ANO1: variants seen among roughly 807,000 people sequenced by gnomAD.
ANO1 encodes the protein anoctamin-1.
ANO1 carries 59 observed loss-of-function variants against 124.0 expected under a neutral mutation model. The observed-to-expected ratio is 0.48, with a 90% confidence interval of 0.39 to 0.59. The LOEUF is 0.59. Ranked by LOEUF, ANO1 falls within the 20% of genes least tolerant of loss-of-function variation. The pLI is 0.00. For missense variants in ANO1, 1,059 were observed against 1,328.0 expected (o/e 0.80, Z 3.15); for synonymous variants, 529 against 532.0 (o/e 0.99, Z 0.08).
intron 10 of ANO1, among the ~76,000 whole-genome samples, chr11:70,130,887 G>A (rs1332976595): frequency 2.0e-5 from 3 of 152,160 alleles, no homozygotes; most frequent in South Asian, 2.1e-4. Context: ...TGGGATCCCC[G>A]TTTCTCCACC....
At chr11:70,172,389 A>C (rs1014359528) in intron 22 of ANO1, among the ~76,000 whole-genome samples, 18 of 152,208 alleles carry the variant, frequency 1.2e-4, no homozygotes, top group Non-Finnish European at 2.4e-4. Flanking sequence ...AATTACAAAA[A>C]TACATTGATT....
chr11:70,047,173 TA>T, intron 1 of ANO1, among the ~76,000 whole-genome samples: 1 of 151,732 alleles, frequency 6.6e-6, no homozygotes. Flanking sequence ...TTAATAATAA[TA>T]TATTGTGATT....
chr11:70,079,862 C>T (rs937685208), intron 1 of ANO1, among the ~76,000 whole-genome samples: 2 of 152,232 alleles, frequency 1.3e-5, no homozygotes, highest in African/African-American at 4.8e-5. Context: ...GCCTTGCACC[C>T]CTTGGGTCAC....
In ANO1 at chr11:70,172,127, A is replaced by AAAG. The variant is rs1555052118; in HGVS notation, c.2350+1090_2350+1091insGAA. Among the ~76,000 whole-genome samples the AAAG allele has an allele frequency of 6.0e-3, 878 of 145,240 alleles. 12 individuals are homozygous for AAAG. Among genetic ancestry groups the AAAG allele is most frequent in the African/African-American group, 0.021 (851 of 39,856 alleles). On this transcript the variant is annotated intron_variant, in intron 22 of 25. Coordinates refer to ENST00000355303, the MANE Select transcript of ANO1 (RefSeq NM_018043.7). ...AGAGAGAGAACCTGTCTTAAAAAAA[A>AAAG]AAAAAAAAAGAAAAGAAAAGAAAAG...
At chr11:70,185,835 A>T (rs970198994) in intron 25 of ANO1, 140 bp downstream of exon 25, 4 of 942,182 alleles carry the variant, frequency 4.2e-6, no homozygotes, top group Non-Finnish European at 6.3e-6. Flanking sequence ...TTGCTCTGGG[A>T]CACCCGAGGA....
chr11:70,154,737 G>A (rs570251823), intron 14 of ANO1, among the ~76,000 whole-genome samples: 118 of 152,154 alleles, frequency 7.8e-4, no homozygotes, highest in Admixed American at 1.8e-3. Flanking sequence ...CAAAGTGCTG[G>A]GATTACAGGT....
intron 1 of ANO1, chr11:70,085,755 G>A: frequency 7.1e-7 from 1 of 1,404,512 alleles, no homozygotes; most frequent in Non-Finnish European, 9.3e-7. Flanking sequence ...TCCACTCGAG[G>A]CCTTCCCTCC....
chr11:70,131,303 ATGTGTGTG>A (rs58686061), intron 10 of ANO1, among the ~76,000 whole-genome samples: 68 of 149,128 alleles, frequency 4.6e-4, no homozygotes, highest in African/African-American at 1.6e-3. Flanking sequence ...TCAAAAATCA[ATGTGTGTG>A]TGTGTGTGTG....
chr11:70,177,339 C>T (rs1206976549), intron 22 of ANO1, among the ~76,000 whole-genome samples: 2 of 152,246 alleles, frequency 1.3e-5, no homozygotes, highest in Non-Finnish European at 2.9e-5. Context: ...TCTTCATGGC[C>T]ACAGAGCAGT....
intron 10 of ANO1, among the ~76,000 whole-genome samples, chr11:70,127,414 C>T (rs2046566781): frequency 6.6e-6 from 1 of 152,132 alleles, no homozygotes; most frequent in Non-Finnish European, 1.5e-5. Flanking sequence ...AATGTAGATC[C>T]GATGTGCCTT....
rs575432015 is a variant in ANO1 at position 70,029,615 on chromosome 11, T to C, written c.58+43449T>C. 1.1e-4 allele frequency among the ~76,000 whole-genome samples: 16 copies of C among 152,340 alleles called. No individual in the cohort carries two copies. The South Asian group carries it at 3.3e-3, about 32-fold the overall frequency. On this transcript the variant is annotated intron_variant, in intron 1 of 27. Transcript: ENST00000531349. ...GCACAGGCCTCTGAGGGCGCCCAGG[T>C]GCTCTGGAGGGACAGTGTGTGTCCC...
chr11:70,047,494 G>A (rs528555888), intron 1 of ANO1, among the ~76,000 whole-genome samples: 3 of 152,052 alleles, frequency 2.0e-5, no homozygotes, highest in Non-Finnish European at 2.9e-5. Context: ...AGAAAAATTG[G>A]CTAAAGAACT....
intron 1 of ANO1, among the ~76,000 whole-genome samples, chr11:70,067,323 G>GTTT (rs71046572): frequency 7.9e-5 from 10 of 126,530 alleles, no homozygotes; most frequent in South Asian, 5.1e-4. Context: ...AATCGTGGGT[G>GTTT]TTTTTTTTTT....
At chr11:70,038,678 G>C (rs1383602000) in intron 1 of ANO1, among the ~76,000 whole-genome samples, 1 of 152,158 alleles carries the variant, frequency 6.6e-6, no homozygotes, top group Non-Finnish European at 1.5e-5. Flanking sequence ...GAGAGAGCCA[G>C]GACTTACCTG....
chr11:69,976,306 G>A, the ANO1 span, among the ~76,000 whole-genome samples: 4 of 152,062 alleles, frequency 2.6e-5, no homozygotes, highest in Non-Finnish European at 2.9e-5. Flanking sequence ...TCAGGAGTTC[G>A]AGACCATCCT....
At chr11:70,009,269 G>A (rs1260048070) in intron 1 of ANO1, among the ~76,000 whole-genome samples, 3 of 152,152 alleles carry the variant, frequency 2.0e-5, no homozygotes, top group Non-Finnish European at 2.9e-5. Flanking sequence ...GACAGTCTAC[G>A]AATGTGGTTG....
At chr11:70,137,420 C>T (rs1565238004) in intron 11 of ANO1, among the ~76,000 whole-genome samples, 1 of 127,784 alleles carries the variant, frequency 7.8e-6, no homozygotes, top group Non-Finnish European at 1.7e-5. Context: ...ACCCCCCACC[C>T]CCCCACCCGC....
chr11:70,057,725 TGGTG>T (rs1345765703), intron 1 of ANO1, among the ~76,000 whole-genome samples: 1 of 152,022 alleles, frequency 6.6e-6, no homozygotes, highest in African/African-American at 2.4e-5. Flanking sequence ...CAAATCACAA[TGGTG>T]GAAAGTCATC....
chr11:70,015,788 A>G (rs916823064), intron 1 of ANO1: 2 of 152,262 alleles, frequency 1.3e-5, no homozygotes, highest in African/African-American at 4.8e-5. Context: ...CGGATACGTC[A>G]TCCTGCAGCC....
Sources: allele counts gnomAD v4.1 joint callset (sites outside exome capture counted in the v4.1 genomes callset), GRCh38; gene constraint gnomAD v4.1.1; transcripts MANE v1.5; gene names NCBI Gene and HGNC (gene_info 2026-07-23, HGNC 2026-07-21).